NTRK3: variants seen among roughly 807,000 people sequenced by gnomAD.
The protein encoded by NTRK3 is NT-3 growth factor receptor.
A neutral mutation model predicts 91.7 loss-of-function variants in NTRK3; 24 were observed. The observed-to-expected ratio is 0.26, with a 90% CI of 0.19 to 0.37. The LOEUF (loss-of-function observed/expected upper bound fraction) is 0.37. NTRK3 is among the 10% of genes least tolerant of loss of function. The pLI is 1.00. For synonymous variants in NTRK3, 483 were observed against 404.0 expected (o/e 1.20, Z -2.34); for missense variants, 880 against 1,068.9 (o/e 0.82, Z 2.46).
rs2051878726 is a variant in NTRK3 at position 88,237,323 on chromosome 15, T to C, written c.248+18583A>G. 6.6e-6 allele frequency among the ~76,000 whole-genome samples: 1 copy of C among 152,198 alleles called. No individual in the cohort carries two copies. The highest frequency in any genetic ancestry group is 2.1e-4 in the South Asian group (1 of 4,830). On this transcript the variant is annotated intron_variant, in intron 3 of 18. Coordinates refer to ENST00000394480, the Ensembl canonical transcript of NTRK3. This position sits in a 1 kb window ranked among gnomAD's most constrained non-coding sequence, Gnocchi z 4.0. ...GGGAGGGATCCTATGTATTTACATG[T>C]CCCAAAGAAAACAATTCCATAGCCC...
At chr15:88,135,537 A>C in intron 9 of NTRK3, 140 bp from the exon 10 acceptor site, 6 of 964,784 alleles carry the variant, frequency 6.2e-6, no homozygotes, top group Non-Finnish European at 7.9e-6. Context: ...TCCCACCACA[A>C]TCCCAGCAGA....
chr15:87,940,276 C>T (rs2142013036), intron 15 of NTRK3, among the ~76,000 whole-genome samples: 1 of 152,312 alleles, frequency 6.6e-6, no homozygotes, highest in East Asian at 1.9e-4. Flanking sequence ...TTTCCAGGCA[C>T]AGACAGCACG....
chr15:87,967,656 C>G (rs1053718967), intron 14 of NTRK3, among the ~76,000 whole-genome samples: 9 of 152,190 alleles, frequency 5.9e-5, no homozygotes, highest in Non-Finnish European at 8.8e-5. Flanking sequence ...CCTGTTCGTG[C>G]TGAGTCTCTT....
chr15:88,186,265 A>G (rs998711184), intron 3 of NTRK3, among the ~76,000 whole-genome samples: 1 of 152,340 alleles, frequency 6.6e-6, no homozygotes, highest in South Asian at 2.1e-4. Flanking sequence ...CATTTTTCAC[A>G]GCCCACATTA....
chr15:87,942,014 C>T (rs1596333877), intron 14 of NTRK3, among the ~76,000 whole-genome samples: 1 of 152,230 alleles, frequency 6.6e-6, no homozygotes, highest in East Asian at 1.9e-4. Flanking sequence ...CATGGCAGAC[C>T]ATCCCCATAA....
chr15:87,868,099 C>A, exon 19 of NTRK3: 1 of 231,656 alleles, frequency 4.3e-6, no homozygotes, highest in East Asian at 6.1e-5. Flanking sequence ...ACACAAAGAT[C>A]AACGGAAGCG....
At chr15:87,887,599 C>T (rs1321996743) in intron 17 of NTRK3, among the ~76,000 whole-genome samples, 1 of 152,100 alleles carries the variant, frequency 6.6e-6, no homozygotes, top group Non-Finnish European at 1.5e-5. Flanking sequence ...CCTTATTTCC[C>T]ATAAAAATCC....
At chr15:87,885,717 T>C in intron 17 of NTRK3, 1 of 1,385,152 alleles carries the variant, frequency 7.2e-7, no homozygotes, top group Non-Finnish European at 9.6e-7. Context: ...CAAAAATCAT[T>C]TCCAGATGGA....
chr15:88,135,013 G>A lies in NTRK3; in HGVS notation c.1204+88C>T, dbSNP rs113013365. 34 of 1,473,886 alleles carry A rather than the reference G, an allele frequency of 2.3e-5. 2 individuals are homozygous for A. In the African/African-American group the frequency reaches 2.4e-4, roughly 10 times the overall value. The allele number at this position is 1,473,886 out of a possible 1,614,324, so 91.3% of individuals were successfully genotyped here. A position where few individuals can be genotyped will look rare whatever the true frequency, so the allele number is the denominator to read the frequency against. The stretch of plus-strand genomic sequence containing the variant: ...CCATGATAACAGTATGAGTACTGAT[G>A]CTGCTTCTCCTCTCAAGCTACCATG... On this transcript the variant is annotated intron_variant, in intron 10 of 18. Transcript: ENST00000394480.
exon 19 of NTRK3, chr15:87,873,530 G>A (rs545627102): frequency 2.9e-4 from 67 of 231,736 alleles, no homozygotes; most frequent in African/African-American, 1.1e-3. Flanking sequence ...GCCCTGGAGC[G>A]TTCATCAAAA....
chr15:88,162,955 C>T (rs999830540), intron 5 of NTRK3, among the ~76,000 whole-genome samples: 1 of 152,154 alleles, frequency 6.6e-6, no homozygotes, highest in African/African-American at 2.4e-5. Flanking sequence ...GCCCAGGTAA[C>T]ATTAGCTGCA....
At chr15:87,942,605 C>A (rs1386863881) in intron 14 of NTRK3, among the ~76,000 whole-genome samples, 1 of 152,126 alleles carries the variant, frequency 6.6e-6, no homozygotes, top group African/African-American at 2.4e-5. Context: ...CAATGTCAAG[C>A]CCACATCTCT....
At chr15:88,032,827 G>A (rs2078674931) in intron 14 of NTRK3, 30 bp downstream of exon 14, 1 of 1,612,410 alleles carries the variant, frequency 6.2e-7, no homozygotes, top group Middle Eastern at 1.6e-4. Context: ...CCCCTCCCCA[G>A]GAGGGAGAGC....
chr15:88,031,085 G>A (rs2078492356), intron 14 of NTRK3, among the ~76,000 whole-genome samples: 1 of 152,194 alleles, frequency 6.6e-6, no homozygotes, highest in African/African-American at 2.4e-5. Context: ...ATGGCCATGA[G>A]TTCAATGTTA....
chr15:87,952,020 G>A (rs905197799), intron 14 of NTRK3, among the ~76,000 whole-genome samples: 1 of 152,076 alleles, frequency 6.6e-6, no homozygotes, highest in African/African-American at 2.4e-5. Context: ...CTAGCTACTC[G>A]GGAAGCTGAG....
At chr15:88,017,948 G>C (rs2077351168) in intron 14 of NTRK3, among the ~76,000 whole-genome samples, 1 of 152,216 alleles carries the variant, frequency 6.6e-6, no homozygotes. Flanking sequence ...CCAATGCGAA[G>C]AGTTGCTATA....
chr15:88,035,346 T>A lies in NTRK3; in HGVS notation c.1397-2301A>T, dbSNP rs565266369. 6.0e-4 allele frequency among the ~76,000 whole-genome samples: 92 copies of A among 152,290 alleles called. No homozygotes were observed. In the South Asian group the frequency reaches 0.017, roughly 29 times the overall value. ...GACTCTAGTGGTTTACCCAGAGACA[T>A]TGAACTCAGAAGGCTCAGGAGAGGG... is the stretch of plus-strand genomic sequence containing the variant. On this transcript the variant is annotated intron_variant, in intron 13 of 18. Transcript: ENST00000394480.
intron 14 of NTRK3, among the ~76,000 whole-genome samples, chr15:87,997,958 T>C (rs544308480): frequency 6.6e-6 from 1 of 152,334 alleles, no homozygotes; most frequent in East Asian, 1.9e-4. Context: ...ATAAAACTTT[T>C]GTACCTTCTC....
intron 3 of NTRK3, among the ~76,000 whole-genome samples, chr15:88,184,721 G>A (rs1207849158): frequency 6.6e-6 from 1 of 151,966 alleles, no homozygotes; most frequent in Non-Finnish European, 1.5e-5. Flanking sequence ...CAATACAAAT[G>A]ACATGGCTTT....
Sources: gnomAD v4.1 joint callset for allele counts (sites outside exome capture counted in the v4.1 genomes callset) on GRCh38, gnomAD v4.1.1 for gene constraint, Gnocchi (gnomAD v3.1) non-coding constraint, MANE v1.5 for transcripts, NCBI Gene and HGNC (gene_info 2026-07-23, HGNC 2026-07-21) for gene names.